ODAD2: variants seen among roughly 807,000 people sequenced by gnomAD.
The protein encoded by ODAD2 is outer dynein arm-docking complex subunit 2.
Under a neutral mutation model 106.8 loss-of-function variants are expected in ODAD2, and 89 were observed. That is an observed-to-expected ratio of 0.83 (90% CI 0.70 to 0.99). The LOEUF (loss-of-function observed/expected upper bound fraction) is 0.99, where lower values mean the gene tolerates loss of function less well. ODAD2 is among the 50% of genes least tolerant of loss of function. The pLI, the probability that ODAD2 is intolerant of heterozygous loss-of-function variation, is 0.00. For synonymous variants in ODAD2, 404 were observed against 436.2 expected (o/e 0.93, Z 0.92); for missense variants, 1,168 against 1,238.5 (o/e 0.94, Z 0.85).
chr10:27,924,886 T>A (rs566754514), intron 16 of ODAD2, among the ~76,000 whole-genome samples: 3 of 151,192 alleles, frequency 2.0e-5, no homozygotes, highest in South Asian at 2.1e-4. Flanking sequence ...AATAATTTTT[T>A]AAAAAACTGT....
At chr10:27,830,798 T>TATC (rs1316836694) in intron 19 of ODAD2, among the ~76,000 whole-genome samples, 4 of 152,234 alleles carry the variant, frequency 2.6e-5, no homozygotes, top group Non-Finnish European at 5.9e-5. Flanking sequence ...CTTACTTTAA[T>TATC]ATCAGTTTGG....
At chr10:27,920,174 T>C (rs1246907855) in intron 16 of ODAD2, among the ~76,000 whole-genome samples, 3 of 152,114 alleles carry the variant, frequency 2.0e-5, no homozygotes, top group Non-Finnish European at 4.4e-5. Context: ...AGGTTTATAA[T>C]AATGACCATA....
At chr10:27,854,426 T>TCA (rs1283964512) in intron 19 of ODAD2, among the ~76,000 whole-genome samples, 3 of 152,168 alleles carry the variant, frequency 2.0e-5, no homozygotes, top group Admixed American at 2.0e-4. Flanking sequence ...GCAGCTTTAT[T>TCA]TGTAACAACC....
intron 12 of ODAD2, among the ~76,000 whole-genome samples, chr10:27,943,028 TAAGTGCTGTGA>T (rs1846567342): frequency 1.3e-5 from 2 of 152,220 alleles, no homozygotes; most frequent in South Asian, 4.1e-4. Flanking sequence ...GGTACTGGGC[TAAGTGCTGTGA>T]AAGACACTAG....
At chr10:27,846,491 C>A (rs936630311) in intron 19 of ODAD2, among the ~76,000 whole-genome samples, 1 of 151,392 alleles carries the variant, frequency 6.6e-6, no homozygotes, top group Admixed American at 6.6e-5. Context: ...AAAATTGACA[C>A]CCTAACATCA....
rs777033435 is a variant in ODAD2, at chr10:27,993,972, A to ATG, written c.224+946_224+947insCA. On this transcript the variant is annotated intron_variant, in intron 2 of 19. Transcript: ENST00000305242. The stretch of plus-strand genomic sequence containing the variant: ...CTGAGGCTGGCAAATATATATATAT[A>ATG]TATGTGTGTGTGTGTGTGTGTGTGT... 8.3e-3 allele frequency among the ~76,000 whole-genome samples: 768 copies of ATG among 92,120 alleles called. 1 individual carries two copies. The highest frequency in any genetic ancestry group is 0.011 in the Non-Finnish European group (445 of 39,456). The allele number at this position is 92,120 out of a possible 152,430, so 60.4% of individuals were successfully genotyped here.
intron 9 of ODAD2, among the ~76,000 whole-genome samples, chr10:27,966,270 AG>A (rs1321605003): frequency 6.6e-6 from 1 of 152,218 alleles, no homozygotes; most frequent in East Asian, 1.9e-4. Flanking sequence ...CCAGTAGATC[AG>A]GTCTATTCAA....
chr10:27,998,764 C>G (rs1469671776), intron 1 of ODAD2, among the ~76,000 whole-genome samples: 1 of 152,106 alleles, frequency 6.6e-6, no homozygotes, highest in East Asian at 1.9e-4. Context: ...CTGCAGAACC[C>G]CTGCGGGGGT....
intron 1 of ODAD2, among the ~76,000 whole-genome samples, chr10:27,997,106 T>A (rs984935547): frequency 6.6e-6 from 1 of 152,220 alleles, no homozygotes; most frequent in Admixed American, 6.5e-5. Context: ...CAGACATATA[T>A]ACCAAAGTGG....
intron 16 of ODAD2, among the ~76,000 whole-genome samples, chr10:27,933,473 T>C (rs1430319323): frequency 1.3e-5 from 2 of 152,026 alleles, no homozygotes; most frequent in African/African-American, 4.8e-5. Flanking sequence ...GGAAAGTAAA[T>C]TTCAATGTTT....
At chr10:27,855,754 G>A (rs1312163966) in intron 19 of ODAD2, among the ~76,000 whole-genome samples, 1 of 152,140 alleles carries the variant, frequency 6.6e-6, no homozygotes, top group Non-Finnish European at 1.5e-5. Flanking sequence ...CTAGCCTGTT[G>A]GCTGTACCAA....
In ODAD2 at chr10:27,933,453, A is replaced by G. The variant is rs150178780; in HGVS notation, c.2495+1557T>C. 6.3e-3 allele frequency among the ~76,000 whole-genome samples: 952 copies of G among 152,272 alleles called. 9 individuals carry two copies. The highest frequency in any genetic ancestry group is 0.022 in the African/African-American group (904 of 41,554). On this transcript the variant is annotated intron_variant, in intron 16 of 19. Transcript: ENST00000305242. ...GGCCAAGAAAACAACATTATCAGATATGCAGTTTAGGAAAGTAAATTTCAA... is the reference window on the plus strand; with the variant it reads ...GGCCAAGAAAACAACATTATCAGATGTGCAGTTTAGGAAAGTAAATTTCAA...
intron 14 of ODAD2, 28 bp from the exon 15 acceptor site, chr10:27,936,908 C>A: frequency 6.4e-7 from 1 of 1,574,480 alleles, no homozygotes; most frequent in South Asian, 1.2e-5. Context: ...CAGAGGCTGT[C>A]AGTCATCAAG....
intron 17 of ODAD2, among the ~76,000 whole-genome samples, chr10:27,903,022 C>T (rs568453246): frequency 2.6e-5 from 4 of 152,286 alleles, no homozygotes; most frequent in African/African-American, 9.6e-5. Context: ...GCCAATGTCC[C>T]TGATGAACAT....
intron 19 of ODAD2, among the ~76,000 whole-genome samples, chr10:27,854,703 C>T (rs575570525): frequency 6.6e-6 from 1 of 152,224 alleles, no homozygotes; most frequent in East Asian, 1.9e-4. Flanking sequence ...TTGCAGTGAG[C>T]CCAGATCGCG....
intron 2 of ODAD2, 83 bp downstream of exon 2, chr10:27,994,836 T>A: frequency 6.9e-7 from 1 of 1,452,808 alleles, no homozygotes; most frequent in Non-Finnish European, 9.3e-7. Context: ...AGAGGTTAGG[T>A]GACTTGCCCC....
intron 9 of ODAD2, among the ~76,000 whole-genome samples, chr10:27,966,994 C>T (rs1237703757): frequency 6.8e-6 from 1 of 147,924 alleles, no homozygotes; most frequent in Admixed American, 6.9e-5. Flanking sequence ...TTGTCTCATT[C>T]TTCCTAGACT....
At chr10:27,915,383 A>C (rs994919251) in intron 16 of ODAD2, among the ~76,000 whole-genome samples, 18 of 152,132 alleles carry the variant, frequency 1.2e-4, no homozygotes, top group African/African-American at 3.9e-4. Flanking sequence ...TGGTTCTCAG[A>C]CAGCCATATT....
At chr10:27,873,926 T>G (rs1394824744) in intron 17 of ODAD2, among the ~76,000 whole-genome samples, 1 of 152,166 alleles carries the variant, frequency 6.6e-6, no homozygotes, top group Non-Finnish European at 1.5e-5. Flanking sequence ...ACTTTCTGTC[T>G]CGTTGATCCG....
Sources: allele counts gnomAD v4.1 joint callset (sites outside exome capture counted in the v4.1 genomes callset), GRCh38; gene constraint gnomAD v4.1.1; transcripts MANE v1.5; gene names NCBI Gene and HGNC (gene_info 2026-07-23, HGNC 2026-07-21).